Variants in TMEM30A observed in about 807,000 individuals in gnomAD.
The protein encoded by TMEM30A is cell division cycle 50 P4-ATPase accessory subunit A, also known as cell cycle control protein 50A.
A neutral mutation model predicts 38.2 loss-of-function variants in TMEM30A; 24 were observed. The ratio of observed to expected loss-of-function variants is 0.63; its 90% CI spans 0.46 to 0.88. The LOEUF is 0.88. Ranked by LOEUF, TMEM30A falls within the 40% of genes least tolerant of loss-of-function variation. The pLI, the probability that TMEM30A is intolerant of heterozygous loss-of-function variation, is 0.00. For synonymous variants in TMEM30A, 145 were observed against 161.6 expected (o/e 0.90, Z 0.78); for missense variants, 370 against 458.6 (o/e 0.81, Z 1.77).
intron 1 of TMEM30A, among the ~76,000 whole-genome samples, chr6:75,275,274 G>C (rs758163560): frequency 8.6e-5 from 13 of 151,842 alleles, no homozygotes; most frequent in Non-Finnish European, 1.5e-4. Context: ...CCTATCTTAG[G>C]CCTTTATACA....
Position 75,265,212 on chromosome 6 carries a change from T to A in TMEM30A, c.453+19A>T. ...TTATTTTACAGATATCATATTTTCATATTTATCATTTTACTTACAAGCAAA... is the reference window on the plus strand; with the variant it reads ...TTATTTTACAGATATCATATTTTCAAATTTATCATTTTACTTACAAGCAAA... On this transcript the variant is annotated intron_variant, in intron 3 of 6. Transcript: ENST00000230461. 1.4e-6 allele frequency: 2 copies of A among 1,414,894 alleles called. No homozygotes were observed. Among genetic ancestry groups the A allele is most frequent in the Non-Finnish European group, 2.0e-6 (2 of 1,015,012 alleles). The allele number at this position is 1,414,894 out of a possible 1,614,324, so 87.6% of individuals were successfully genotyped here.
chr6:75,284,782 G>C lies in TMEM30A; in HGVS notation c.-144C>G. 1.3e-6 allele frequency: 1 copy of C among 772,254 alleles called. No individual in the cohort carries two copies. Among genetic ancestry groups the C allele is most frequent in the Non-Finnish European group, 2.2e-6 (1 of 455,680 alleles). 47.8% of individuals were successfully genotyped at this position (772,254 alleles called of 1,614,324 possible). ...CACCGCCACAGCCACCTCCGCTGTA[G>C]AGCGGAAGAGGCGGGACACTCTTCC... On this transcript the variant is annotated 5_prime_UTR_variant, in exon 1 of 7. Transcript: ENST00000230461.
At chr6:75,259,181 T>C (rs1771921058) in intron 5 of TMEM30A, among the ~76,000 whole-genome samples, 166 bp downstream of exon 5, 1 of 152,236 alleles carries the variant, frequency 6.6e-6, no homozygotes, top group Non-Finnish European at 1.5e-5. Flanking sequence ...ATACATTTCC[T>C]TTAGAATTTT....
chr6:75,275,010 CAA>C lies in TMEM30A; in HGVS notation c.238-7264_238-7263del, dbSNP rs71002728. ...TGGGTGACAGATCGAGACTCTGTCT[CAA>C]AAAAAAAAAAAAAAAGTCAGTTCTC... On this transcript the variant is annotated intron_variant, in intron 1 of 6. Transcript: ENST00000230461. 7.8e-3 allele frequency among the ~76,000 whole-genome samples: 967 copies of C among 124,662 alleles called. 6 individuals are homozygous for C. Among genetic ancestry groups the C allele is most frequent in the African/African-American group, 0.021 (728 of 33,932 alleles). The allele number at this position is 124,662 out of a possible 152,430, so 81.8% of individuals were successfully genotyped here. A position where few individuals can be genotyped will look rare whatever the true frequency, so the allele number is the denominator to read the frequency against.
chr6:75,264,870 G>T (rs1005710804), intron 3 of TMEM30A, among the ~76,000 whole-genome samples: 4 of 152,114 alleles, frequency 2.6e-5, no homozygotes, highest in Non-Finnish European at 2.9e-5. Context: ...GGGAGGCCGA[G>T]GTGGGCAGAT....
intron 1 of TMEM30A, among the ~76,000 whole-genome samples, chr6:75,275,536 C>T (rs1772246060): frequency 6.6e-6 from 1 of 152,148 alleles, no homozygotes; most frequent in Non-Finnish European, 1.5e-5. Flanking sequence ...TGAAAAATGA[C>T]AACTCCATCC....
intron 3 of TMEM30A, among the ~76,000 whole-genome samples, chr6:75,262,911 T>C (rs1177572048): frequency 4.6e-5 from 7 of 152,250 alleles, no homozygotes. Flanking sequence ...AGCCAGGCAC[T>C]TGGTAAACAG....
intron 1 of TMEM30A, among the ~76,000 whole-genome samples, chr6:75,280,339 G>A (rs1418303145): frequency 6.6e-6 from 1 of 152,148 alleles, no homozygotes; most frequent in Non-Finnish European, 1.5e-5. Context: ...TAAGAGGCCA[G>A]AAAGTAAATA....
intron 2 of TMEM30A, 57 bp downstream of exon 2, chr6:75,267,584 C>A (rs1257564552): frequency 5.0e-6 from 6 of 1,208,030 alleles, no homozygotes. Context: ...ACATTTAGTA[C>A]AGTATCAGTA....
intron 1 of TMEM30A, among the ~76,000 whole-genome samples, chr6:75,275,709 T>A (rs929818524): frequency 1.3e-5 from 2 of 152,182 alleles, no homozygotes; most frequent in Admixed American, 1.3e-4. Context: ...ACCACCATCA[T>A]CTCCTGCTTG....
chr6:75,276,370 C>G (rs1225542166), intron 1 of TMEM30A, among the ~76,000 whole-genome samples: 1 of 152,214 alleles, frequency 6.6e-6, no homozygotes, highest in Non-Finnish European at 1.5e-5. Flanking sequence ...AAGTACAGGT[C>G]GCAGCCTGGG....
chr6:75,272,615 C>G (rs991269232), intron 1 of TMEM30A: 1 of 152,238 alleles, frequency 6.6e-6, no homozygotes, highest in Non-Finnish European at 1.5e-5. Flanking sequence ...CAAGTGTGCT[C>G]TCACCATTGT....
intron 3 of TMEM30A, among the ~76,000 whole-genome samples, chr6:75,261,605 G>A (rs1226583087): frequency 2.6e-5 from 4 of 152,180 alleles, no homozygotes; most frequent in Non-Finnish European, 5.9e-5. Flanking sequence ...ATCATATCAA[G>A]TCTGAGGTTA....
Position 75,255,990 on chromosome 6 carries a change from G to T in TMEM30A, c.*112C>A. ...ACAAAGACTGCTTTTTTTTAGAAAAGTTATGTGCCAACTTCAAAATGACAT... is the reference window on the plus strand; with the variant it reads ...ACAAAGACTGCTTTTTTTTAGAAAATTTATGTGCCAACTTCAAAATGACAT... On this transcript the variant is annotated 3_prime_UTR_variant, in exon 7 of 7. Coordinates refer to ENST00000230461, the MANE Select transcript of TMEM30A (RefSeq NM_018247.4). The T allele has an allele frequency of 1.4e-6, 1 of 721,866 alleles. No homozygotes were observed. The highest frequency in any genetic ancestry group is 3.9e-4 in the Middle Eastern group (1 of 2,570). 44.7% of individuals were successfully genotyped at this position (721,866 alleles called of 1,614,324 possible).
chr6:75,265,224 T>C lies in TMEM30A; in HGVS notation c.453+7A>G. ...TATCATATTTTCATATTTATCATTT[T>C]ACTTACAAGCAAAGCACTAGAATCT... On this transcript the variant is annotated splice_region_variant and intron_variant, in intron 3 of 6. Coordinates refer to ENST00000230461, the MANE Select transcript of TMEM30A (RefSeq NM_018247.4). 6.6e-7 allele frequency: 1 copy of C among 1,515,836 alleles called. No individual in the cohort carries two copies. 93.9% of individuals were successfully genotyped at this position (1,515,836 alleles called of 1,614,324 possible).
chr6:75,255,805 G>T lies in TMEM30A; in HGVS notation c.*297C>A. 4.1e-6 allele frequency: 1 copy of T among 241,874 alleles called. No individual in the cohort carries two copies. The highest frequency in any genetic ancestry group is 8.0e-6 in the Non-Finnish European group (1 of 125,384). The allele number at this position is 241,874 out of a possible 1,614,324, so 15.0% of individuals were successfully genotyped here. The stretch of plus-strand genomic sequence containing the variant: ...ATAAAGATTTAAGCAGTAGACACAA[G>T]TCACATGAAAGAGGCTCTATGCATC... On this transcript the variant is annotated 3_prime_UTR_variant, in exon 7 of 7. Coordinates refer to ENST00000230461, the MANE Select transcript of TMEM30A (RefSeq NM_018247.4).
intron 1 of TMEM30A, among the ~76,000 whole-genome samples, chr6:75,275,972 G>A (rs1359896983): frequency 1.3e-5 from 2 of 152,116 alleles, no homozygotes; most frequent in Non-Finnish European, 2.9e-5. Context: ...AAGGGGAAAG[G>A]GACTGAAGGT....
chr6:75,256,372 A>AT (rs1287019212), intron 6 of TMEM30A, 77 bp from the exon 7 acceptor site: 14 of 1,286,650 alleles, frequency 1.1e-5, no homozygotes, highest in Non-Finnish European at 1.5e-5. Context: ...TTGCCATTTA[A>AT]TTGTTGGTAA....
chr6:75,284,704 G>C lies in TMEM30A; in HGVS notation c.-66C>G. 1.3e-6 allele frequency: 2 copies of C among 1,541,436 alleles called. No homozygotes were observed. Among genetic ancestry groups the C allele is most frequent in the Admixed American group, 3.3e-5 (2 of 59,804 alleles). On this transcript the variant is annotated 5_prime_UTR_variant, in exon 1 of 7. Coordinates refer to ENST00000230461, the MANE Select transcript of TMEM30A (RefSeq NM_018247.4). ...CCCAGGGGGCCCGCCGGCTGACCCT[G>C]ACAGGAACCGCTCGAGCGCCGCTGC...
Sources: gnomAD v4.1 joint callset for allele counts (sites outside exome capture counted in the v4.1 genomes callset) on GRCh38, gnomAD v4.1.1 for gene constraint, MANE v1.5 for transcripts, NCBI Gene and HGNC (gene_info 2026-07-23, HGNC 2026-07-21) for gene names.